Variants in USP43 observed in about 807,000 individuals in gnomAD.
USP43 encodes ubiquitin carboxyl-terminal hydrolase 43.
Under a neutral mutation model 90.7 loss-of-function variants are expected in USP43, and 33 were observed. The observed-to-expected ratio is 0.36, with a 90% CI of 0.28 to 0.49. USP43 has a LOEUF of 0.49. USP43 is among the 20% of genes least tolerant of loss of function. USP43 has a pLI of 0.98. For missense variants in USP43, 1,274 were observed against 1,476.4 expected (o/e 0.86, Z 2.25); for synonymous variants, 598 against 615.8 (o/e 0.97, Z 0.43).
intron 9 of USP43, among the ~76,000 whole-genome samples, chr17:9,693,880 A>G (rs2151983672): frequency 6.6e-6 from 1 of 152,292 alleles, no homozygotes; most frequent in African/African-American, 2.4e-5. Context: ...AAATTCTTTC[A>G]ATTAGGTCAT....
intron 8 of USP43, among the ~76,000 whole-genome samples, chr17:9,691,585 A>G (rs1327378409): frequency 6.6e-6 from 1 of 152,058 alleles, no homozygotes; most frequent in Non-Finnish European, 1.5e-5. Context: ...CGACTCTTAG[A>G]TATACACCTA....
intron 14 of USP43, among the ~76,000 whole-genome samples, chr17:9,719,792 C>T (rs943786264): frequency 7.9e-5 from 12 of 152,310 alleles, no homozygotes; most frequent in South Asian, 6.2e-4. Context: ...GTTTGCTGGA[C>T]GTGGTGGCTC....
rs373685447 is a variant in USP43 at position 9,712,011 on chromosome 17, C to T, written c.2214C>T (p.Leu738=). ...TGTCTGATCACTGGCTCTTACGGCT[C>T]GGGAGCCACGCTGGCAGCACAAGGG... The part of the protein sequence containing the change: ...SSLSDHWLLR[L]GSHAGSTRGS... The change falls in exon 14 of 15, where the codon CTC becomes CTT. Residue 738 remains leucine (L), a synonymous_variant. Coordinates refer to ENST00000285199, the MANE Select transcript of USP43 (RefSeq NM_153210.5). 56 of 1,611,782 alleles carry T rather than the reference C, an allele frequency of 3.5e-5. 1 individual carries two copies. In the African/African-American group the frequency reaches 4.1e-4, roughly 12 times the overall value.
intron 14 of USP43, among the ~76,000 whole-genome samples, chr17:9,721,720 A>AT (rs11340592): frequency 0.015 from 1,781 of 119,028 alleles, 20 homozygotes; most frequent in East Asian, 0.044. Context: ...GTATAGCTGT[A>AT]TTTTTTTTTT....
At chr17:9,647,494 T>C (rs970303438) in intron 1 of USP43, 1 of 152,176 alleles carries the variant, frequency 6.6e-6, no homozygotes, top group Non-Finnish European at 1.5e-5. Flanking sequence ...AGAACCATAA[T>C]GGTACTTACC....
intron 14 of USP43, among the ~76,000 whole-genome samples, chr17:9,724,943 G>A (rs1451766506): frequency 6.6e-6 from 1 of 151,048 alleles, no homozygotes; most frequent in East Asian, 2.0e-4. Flanking sequence ...GGGCAGGGGG[G>A]CACTAAGCAT....
chr17:9,703,951 C>T (rs1915725900), intron 12 of USP43, among the ~76,000 whole-genome samples: 2 of 152,262 alleles, frequency 1.3e-5, no homozygotes, highest in South Asian at 2.1e-4. Context: ...GGAGCTTGAC[C>T]TTTGGAGTGC....
At chr17:9,679,516 CTTTTTTTTTTTTT>C (rs544977324) in intron 5 of USP43, among the ~76,000 whole-genome samples, 12 of 82,306 alleles carry the variant, frequency 1.5e-4, no homozygotes, top group Admixed American at 1.2e-3. Flanking sequence ...TGAAATGCAT[CTTTTTTTTTTTTT>C]TTTTTTTTTT....
At chr17:9,704,122 T>C (rs1376759180) in intron 12 of USP43, among the ~76,000 whole-genome samples, 1 of 152,172 alleles carries the variant, frequency 6.6e-6, no homozygotes, top group East Asian at 1.9e-4. Flanking sequence ...TCTGTTCCTT[T>C]GTCTAGGATA....
intron 14 of USP43, among the ~76,000 whole-genome samples, chr17:9,725,244 A>C (rs182850279): frequency 1.2e-3 from 171 of 143,944 alleles, no homozygotes; most frequent in African/African-American, 4.2e-3. Flanking sequence ...TTCAGGAAGA[A>C]CCTAACGGCC....
chr17:9,728,267 T>C lies in USP43; in HGVS notation c.2649T>C (p.Ile883=). 1 of 1,613,526 alleles carries C rather than the reference T, an allele frequency of 6.2e-7. No individual in the cohort carries two copies. Residue 883 remains isoleucine (I), a synonymous_variant, in exon 15 of 15, where the codon ATT becomes ATC. Coordinates refer to ENST00000285199, the MANE Select transcript of USP43 (RefSeq NM_153210.5). This position sits in a 1 kb window ranked among gnomAD's most constrained non-coding sequence, Gnocchi z 6.2. ...ACAGCGAAGATGGTGGGCGGGCCAT[T>C]GAAAGAGGTCCAGCCGGGGTGCCCT... ...PANSEDGGRA[I]ERGPAGVPCP...
intron 12 of USP43, among the ~76,000 whole-genome samples, chr17:9,707,504 G>T (rs113688016): frequency 0.055 from 8,322 of 151,834 alleles, 286 homozygotes; most frequent in Middle Eastern, 0.095. Context: ...ACAATTAGCC[G>T]GGTGTGGTGG....
intron 14 of USP43, among the ~76,000 whole-genome samples, chr17:9,719,123 C>T (rs1488466513): frequency 2.6e-5 from 4 of 151,142 alleles, no homozygotes; most frequent in African/African-American, 9.7e-5. Context: ...AGTGAAACTC[C>T]GTGTCCAAAA....
chr17:9,648,518 A>G (rs1168705517), intron 1 of USP43, among the ~76,000 whole-genome samples: 1 of 152,192 alleles, frequency 6.6e-6, no homozygotes, highest in East Asian at 1.9e-4. Flanking sequence ...AAGGACAAAT[A>G]CAAGGTGCTA....
chr17:9,670,745 T>C (rs1400316992), intron 3 of USP43, among the ~76,000 whole-genome samples: 2 of 152,034 alleles, frequency 1.3e-5, no homozygotes, highest in African/African-American at 2.4e-5. Flanking sequence ...TTTGAGCTGA[T>C]TGGATATTAA....
At position 9,728,454 on chromosome 17, in the gene USP43, C is replaced by T. The variant is rs964258106; in HGVS notation, c.2836C>T (p.Arg946Ter). 5 of 1,612,666 alleles carry T rather than the reference C, an allele frequency of 3.1e-6. No individual in the cohort carries two copies. Among genetic ancestry groups the T allele is most frequent in the East Asian group, 4.5e-5 (2 of 44,824 alleles). Reference protein sequence around the residue: ...MPSVEHEKPARPEGQKAMNWK... With the variant: ...MPSVEHEKPA ...TTCAGTGGAGCATGAGAAACCAGCT[C>T]GACCGGAGGGCCAGAAGGCCATGAA... is the stretch of plus-strand genomic sequence containing the variant. Residue 946 changes from arginine to a stop codon, truncating the protein, a stop_gained, in exon 15 of 15, where the codon CGA becomes TGA. Transcript: ENST00000285199. LOFTEE classifies it low-confidence loss of function (END_TRUNC). The surrounding 1 kb of genome is among the most constrained non-coding windows in gnomAD (Gnocchi z 6.2).
At position 9,663,070 on chromosome 17, in the gene USP43, G is replaced by A. The variant is rs201821853; in HGVS notation, c.637-3578G>A. On this transcript the variant is annotated intron_variant, in intron 2 of 14. Transcript: ENST00000285199. ...TGACCTCAAGTAATCCACTCACCTC[G>A]GCTTCCCAAAGTGCTGAGATTACAG... Among the ~76,000 whole-genome samples, 31 of 151,750 alleles carry A rather than the reference G, an allele frequency of 2.0e-4. No homozygotes were observed. In the East Asian group the frequency reaches 4.1e-3, roughly 20 times the overall value.
chr17:9,687,243 A>C (rs1383412824), intron 8 of USP43, among the ~76,000 whole-genome samples: 1 of 152,098 alleles, frequency 6.6e-6, no homozygotes, highest in East Asian at 1.9e-4. Flanking sequence ...TTCCCTAAGC[A>C]TTTACATTAT....
intron 1 of USP43, among the ~76,000 whole-genome samples, chr17:9,646,480 G>A (rs1261735559): frequency 6.6e-6 from 1 of 152,158 alleles, no homozygotes; most frequent in Non-Finnish European, 1.5e-5. Context: ...CTGGAATGAT[G>A]TGGGGTAGGG....
Sources: allele counts gnomAD v4.1 joint callset (sites outside exome capture counted in the v4.1 genomes callset), GRCh38; gene constraint gnomAD v4.1.1; non-coding constraint Gnocchi (gnomAD v3.1); transcripts MANE v1.5; gene names NCBI Gene and HGNC (gene_info 2026-07-23, HGNC 2026-07-21).